Variants in ASIC2 observed in about 807,000 individuals in gnomAD.
ASIC2 encodes acid sensing ion channel subunit 2.
ASIC2 carries 25 observed loss-of-function variants against 57.3 expected under a neutral mutation model. The ratio of observed to expected loss-of-function variants is 0.44; its 90% CI spans 0.32 to 0.61. The LOEUF (loss-of-function observed/expected upper bound fraction) is 0.61. ASIC2 is among the 20% of genes least tolerant of loss of function. The pLI is 0.06. For missense variants in ASIC2, 641 were observed against 738.1 expected, an observed-to-expected ratio of 0.87 and a Z score of 1.52; for synonymous variants, 319 against 307.5, an observed-to-expected ratio of 1.04 and a Z score of -0.39.
chr17:33,732,857 C>A (rs1436951662), intron 1 of ASIC2, among the ~76,000 whole-genome samples: 1 of 152,142 alleles, frequency 6.6e-6, no homozygotes, highest in Non-Finnish European at 1.5e-5. Flanking sequence ...AGGCTGGCCC[C>A]AAACTCCTGA....
At chr17:33,341,845 T>C (rs188483556) in intron 1 of ASIC2, among the ~76,000 whole-genome samples, 26 of 152,180 alleles carry the variant, frequency 1.7e-4, no homozygotes, top group Non-Finnish European at 3.2e-4. Context: ...CTGAGGAAGG[T>C]TGGGTTAAGT....
At chr17:33,309,041 C>T (rs1055903379) in intron 1 of ASIC2, among the ~76,000 whole-genome samples, 6 of 152,254 alleles carry the variant, frequency 3.9e-5, no homozygotes, top group East Asian at 1.9e-4. Context: ...GAAGTGGCAA[C>T]GGACCAATTC....
intron 1 of ASIC2, among the ~76,000 whole-genome samples, chr17:33,733,364 T>C (rs1213705023): frequency 6.6e-6 from 1 of 152,202 alleles, no homozygotes; most frequent in African/African-American, 2.4e-5. Context: ...TGTGTGTGTG[T>C]TGATAACCAA....
At chr17:33,372,753 C>T (rs973354720) in intron 1 of ASIC2, among the ~76,000 whole-genome samples, 1 of 152,152 alleles carries the variant, frequency 6.6e-6, no homozygotes, top group African/African-American at 2.4e-5. Context: ...GGTAACAGCT[C>T]CCAGTGGTGA....
At chr17:33,505,121 T>C (rs1378192427) in intron 1 of ASIC2, among the ~76,000 whole-genome samples, 1 of 152,042 alleles carries the variant, frequency 6.6e-6, no homozygotes, top group African/African-American at 2.4e-5. Context: ...TTGAGTTTGG[T>C]GATAGTGTAC....
chr17:33,183,652 C>G (rs576146709), intron 1 of ASIC2, among the ~76,000 whole-genome samples: 35 of 152,122 alleles, frequency 2.3e-4, no homozygotes, highest in Non-Finnish European at 4.3e-4. Flanking sequence ...TGAGCAGAAC[C>G]CAAATTAAAA....
intron 1 of ASIC2, among the ~76,000 whole-genome samples, chr17:33,595,286 G>A (rs2347553): frequency 0.37 from 56,876 of 152,092 alleles, 11,855 homozygotes; most frequent in African/African-American, 0.55. Flanking sequence ...CCTGAAGTCC[G>A]TTTTCTTCCA....
intron 1 of ASIC2, among the ~76,000 whole-genome samples, chr17:33,690,322 C>G (rs576361958): frequency 7.8e-4 from 119 of 152,172 alleles, no homozygotes; most frequent in Non-Finnish European, 1.2e-3. Context: ...CCCTATGGCA[C>G]CAGTTGAAGC....
chr17:33,628,161 G>T (rs536018611), intron 1 of ASIC2, among the ~76,000 whole-genome samples: 1 of 152,194 alleles, frequency 6.6e-6, no homozygotes, highest in Non-Finnish European at 1.5e-5. Flanking sequence ...GGGTGGTCCC[G>T]ATGCCTGGGA....
intron 1 of ASIC2, among the ~76,000 whole-genome samples, chr17:33,865,710 G>C (rs1914214300): frequency 7.0e-6 from 1 of 142,440 alleles, no homozygotes; most frequent in South Asian, 2.2e-4. Flanking sequence ...TAACTAACCT[G>C]CACAATGTGC....
chr17:34,101,367 C>T (rs565229259), intron 1 of ASIC2, among the ~76,000 whole-genome samples: 1 of 152,318 alleles, frequency 6.6e-6, no homozygotes, highest in East Asian at 1.9e-4. Flanking sequence ...CCCCAAAAGT[C>T]TGTATTTGGT....
intron 1 of ASIC2, among the ~76,000 whole-genome samples, chr17:33,651,882 C>T (rs74617767): frequency 6.6e-6 from 1 of 152,142 alleles, no homozygotes; most frequent in African/African-American, 2.4e-5. Context: ...AACACAGTCT[C>T]CCTCTCCTGG....
chr17:33,735,545 A>G (rs1422370121), intron 1 of ASIC2, among the ~76,000 whole-genome samples: 1 of 152,176 alleles, frequency 6.6e-6, no homozygotes, highest in Non-Finnish European at 1.5e-5. Context: ...TTGGAGTCAC[A>G]TAGTGTGGGT....
At chr17:34,102,067 T>C (rs1910885704) in intron 1 of ASIC2, among the ~76,000 whole-genome samples, 1 of 151,898 alleles carries the variant, frequency 6.6e-6, no homozygotes, top group African/African-American at 2.4e-5. Context: ...CCCAACAATA[T>C]GGGAGGCTGA....
chr17:33,354,878 T>C (rs1217898424), intron 1 of ASIC2, among the ~76,000 whole-genome samples: 1 of 152,162 alleles, frequency 6.6e-6, no homozygotes, highest in Non-Finnish European at 1.5e-5. Flanking sequence ...TCCCCACACA[T>C]GTGCACCTAT....
intron 1 of ASIC2, among the ~76,000 whole-genome samples, chr17:33,137,596 C>T (rs924602411): frequency 1.3e-5 from 2 of 152,202 alleles, no homozygotes; most frequent in Non-Finnish European, 2.9e-5. Context: ...AAGCTGGGCT[C>T]ATTCCTATTT....
At chr17:34,097,864 G>C (rs1273669195) in intron 1 of ASIC2, among the ~76,000 whole-genome samples, 1 of 152,070 alleles carries the variant, frequency 6.6e-6, no homozygotes, top group Non-Finnish European at 1.5e-5. Flanking sequence ...TCAGGAATCT[G>C]AGGCCCCAGA....
rs1040364073 is a variant in ASIC2, at chr17:33,844,853, A to AT, written c.555+311124dup. ...ATAGTCTCATAATATATTTATATAA[A>AT]TTTTTTTATTTTTCTAGCAATCCTG... On this transcript the variant is annotated intron_variant, in intron 1 of 9. Transcript: ENST00000359872. 2.6e-5 allele frequency among the ~76,000 whole-genome samples: 4 copies of AT among 152,142 alleles called. No individual in the cohort carries two copies. The South Asian group carries it at 6.2e-4, about 24-fold the overall frequency.
chr17:33,208,665 C>CTTA (rs1038886701), intron 1 of ASIC2, among the ~76,000 whole-genome samples: 2 of 151,348 alleles, frequency 1.3e-5, no homozygotes, highest in Admixed American at 6.6e-5. Context: ...AGAATATTTG[C>CTTA]TTATTATTAT....
Sources: allele counts gnomAD v4.1 joint callset (sites outside exome capture counted in the v4.1 genomes callset), GRCh38; gene constraint gnomAD v4.1.1; transcripts MANE v1.5; gene names NCBI Gene and HGNC (gene_info 2026-07-23, HGNC 2026-07-21).